PTPN20: variants seen among roughly 807,000 people sequenced by gnomAD.
PTPN20 encodes the protein tyrosine-protein phosphatase non-receptor type 20.
PTPN20 carries 9 observed loss-of-function variants against 35.0 expected under a neutral mutation model. The ratio of observed to expected loss-of-function variants is 0.26; its 90% CI spans 0.15 to 0.45. The LOEUF is 0.45. Ranked by LOEUF, PTPN20 falls within the 20% of genes least tolerant of loss-of-function variation. The pLI is 1.00. For missense variants in PTPN20, 111 were observed against 312.5 expected (o/e 0.36, Z 4.86); for synonymous variants, 32 against 100.2 (o/e 0.32, Z 4.06).
intron 7 of PTPN20, among the ~76,000 whole-genome samples, chr10:46,982,964 G>A (rs1259832026): frequency 8.7e-5 from 13 of 150,286 alleles, no homozygotes; most frequent in Non-Finnish European, 1.3e-4. Flanking sequence ...ACAAATAGGA[G>A]TTTTTAAGGT....
intron 9 of PTPN20, among the ~76,000 whole-genome samples, chr10:46,998,967 G>A (rs1254132804): frequency 2.9e-5 from 4 of 137,898 alleles, no homozygotes; most frequent in Non-Finnish European, 6.1e-5. Flanking sequence ...AGCTGGGCAT[G>A]GTGGAACGCA....
intron 9 of PTPN20, among the ~76,000 whole-genome samples, chr10:46,997,169 T>C (rs1186382272): frequency 3.3e-5 from 5 of 152,214 alleles, no homozygotes; most frequent in Admixed American, 2.6e-4. Flanking sequence ...TCATTTTCAG[T>C]GTATAGATCT....
At chr10:46,989,431 G>T in intron 9 of PTPN20, among the ~76,000 whole-genome samples, 1 of 56,556 alleles carries the variant, frequency 1.8e-5, no homozygotes, top group Non-Finnish European at 3.1e-5. Flanking sequence ...CATTCATTCT[G>T]TTGATATATC....
chr10:46,941,525 A>T (rs1316677543), intron 3 of PTPN20, among the ~76,000 whole-genome samples: 6 of 121,144 alleles, frequency 5.0e-5, no homozygotes, highest in Non-Finnish European at 4.9e-5. Context: ...CTCACTCTTG[A>T]TTCTTTTCTC....
downstream of PTPN20, among the ~76,000 whole-genome samples, chr10:47,003,463 A>ATGTGAAC (rs1728161674): frequency 6.6e-6 from 1 of 152,138 alleles, no homozygotes; most frequent in African/African-American, 2.4e-5. Context: ...ACATAGAAAT[A>ATGTGAAC]ATAGACTCAA....
chr10:46,977,056 TTTAAAAGATGTAATTAACATTTAGA>T (rs1183996796), intron 7 of PTPN20, among the ~76,000 whole-genome samples: 1 of 152,270 alleles, frequency 6.6e-6, no homozygotes, highest in African/African-American at 2.4e-5. Flanking sequence ...GAAGGTATTT[TTTAAAAGATGTAATTAACATTTAGA>T]TTAGCAGACT....
chr10:46,997,881 G>A (rs1400742342), intron 9 of PTPN20, among the ~76,000 whole-genome samples: 1 of 151,918 alleles, frequency 6.6e-6, no homozygotes, highest in African/African-American at 2.4e-5. Context: ...TATCAGAAAG[G>A]CTTATGTAAA....
chr10:46,929,686 G>T (rs1347965126), intron 1 of PTPN20, among the ~76,000 whole-genome samples: 2 of 149,440 alleles, frequency 1.3e-5, no homozygotes, highest in Non-Finnish European at 2.9e-5. Context: ...GGTCCAACCC[G>T]AGGAGATGAG....
intron 2 of PTPN20, 102 bp from the exon 3 acceptor site, chr10:46,940,521 G>GA (rs1344690319): frequency 7.6e-7 from 1 of 1,310,480 alleles, no homozygotes; most frequent in Non-Finnish European, 1.1e-6. Context: ...AAAAGTAGAT[G>GA]AAAATGCCCC....
chr10:46,996,934 T>A (rs1457713233), intron 9 of PTPN20, among the ~76,000 whole-genome samples: 1 of 152,178 alleles, frequency 6.6e-6, no homozygotes, highest in Non-Finnish European at 1.5e-5. Context: ...ATTCTCCTTT[T>A]TCAAAATTGT....
chr10:46,991,836 C>T (rs1215892223), intron 9 of PTPN20, among the ~76,000 whole-genome samples: 1 of 152,078 alleles, frequency 6.6e-6, no homozygotes, highest in African/African-American at 2.4e-5. Flanking sequence ...GCTGACCTTT[C>T]TCTCTAGCTG....
intron 5 of PTPN20, among the ~76,000 whole-genome samples, chr10:46,948,153 A>G (rs1369438449): frequency 6.6e-6 from 1 of 152,108 alleles, no homozygotes; most frequent in African/African-American, 2.4e-5. Context: ...TGTCAAGTCT[A>G]CTAATGAACC....
intron 7 of PTPN20, among the ~76,000 whole-genome samples, chr10:46,977,469 G>T (rs1289010774): frequency 6.6e-6 from 1 of 152,214 alleles, no homozygotes; most frequent in Non-Finnish European, 1.5e-5. Flanking sequence ...AGATGTAAAG[G>T]CATTAATGAC....
At chr10:46,937,950 C>CTT (rs1266304586) in intron 2 of PTPN20, among the ~76,000 whole-genome samples, 260 of 127,144 alleles carry the variant, frequency 2.0e-3, no homozygotes, top group African/African-American at 5.2e-3. Context: ...TTTTTCTTTT[C>CTT]TTTTTTTTTT....
intron 5 of PTPN20, among the ~76,000 whole-genome samples, chr10:46,959,117 C>T (rs1476254634): frequency 1.3e-4 from 19 of 141,108 alleles, no homozygotes; most frequent in Admixed American, 2.2e-4. Context: ...TTGAAATCTT[C>T]AATTATTATT....
intron 7 of PTPN20, among the ~76,000 whole-genome samples, chr10:46,977,154 A>C (rs1453462941): frequency 2.0e-5 from 3 of 152,284 alleles, no homozygotes; most frequent in African/African-American, 7.2e-5. Flanking sequence ...TGAAGTCATT[A>C]AGAAAAAAAC....
chr10:46,919,237 A>G (rs879988022), intron 1 of PTPN20, among the ~76,000 whole-genome samples: 1 of 152,224 alleles, frequency 6.6e-6, no homozygotes, highest in Admixed American at 6.5e-5. Flanking sequence ...CAGTCAGACA[A>G]TCCCTGACTT....
At chr10:46,939,071 G>T (rs1428307939) in intron 2 of PTPN20, among the ~76,000 whole-genome samples, 1 of 151,216 alleles carries the variant, frequency 6.6e-6, no homozygotes, top group Non-Finnish European at 1.5e-5. Context: ...AGCACTTGAA[G>T]CTCCTTCCTA....
Position 47,000,882 on chromosome 10 carries a change from A to T in PTPN20, c.*141A>T. ...TTTATCAGTTTATTTTCTTTCTAAA[A>T]GCTCCCTGAAGGGCAATATCATTTG... On this transcript the variant is annotated 3_prime_UTR_variant, in exon 11 of 11. Transcript: ENST00000374339. 9.8e-7 allele frequency: 1 copy of T among 1,020,006 alleles called. No individual in the cohort carries two copies. Among genetic ancestry groups the T allele is most frequent in the Admixed American group, 1.9e-5 (1 of 53,806 alleles). The allele number at this position is 1,020,006 out of a possible 1,614,324, so 63.2% of individuals were successfully genotyped here. A position where few individuals can be genotyped will look rare whatever the true frequency, so the allele number is the denominator to read the frequency against.
Sources: gnomAD v4.1 joint callset for allele counts (sites outside exome capture counted in the v4.1 genomes callset) on GRCh38, gnomAD v4.1.1 for gene constraint, MANE v1.5 for transcripts, NCBI Gene and HGNC (gene_info 2026-07-23, HGNC 2026-07-21) for gene names.